CCSER1: variants seen among roughly 807,000 people sequenced by gnomAD.
The protein encoded by CCSER1 is coiled-coil serine rich protein 1.
Under a neutral mutation model 82.0 loss-of-function variants are expected in CCSER1, and 41 were observed. That is an observed-to-expected ratio of 0.50 (90% CI 0.39 to 0.65). The LOEUF (loss-of-function observed/expected upper bound fraction) is 0.65. CCSER1 is among the 30% of genes least tolerant of loss of function. The pLI, the probability that CCSER1 is intolerant of heterozygous loss-of-function variation, is 0.00. For synonymous variants in CCSER1, 414 were observed against 383.9 expected, an observed-to-expected ratio of 1.08 and a Z score of -0.92; for missense variants, 1,119 against 1,064.2, an observed-to-expected ratio of 1.05 and a Z score of -0.72.
chr4:91,368,579 G>A (rs1325385351), intron 10 of CCSER1, among the ~76,000 whole-genome samples: 1 of 151,918 alleles, frequency 6.6e-6, no homozygotes, highest in Non-Finnish European at 1.5e-5. Flanking sequence ...ATTTTATCAT[G>A]TTTTTCTATA....
At chr4:90,627,749 G>A (rs1475146150) in intron 5 of CCSER1, among the ~76,000 whole-genome samples, 1 of 151,998 alleles carries the variant, frequency 6.6e-6, no homozygotes, top group Non-Finnish European at 1.5e-5. Flanking sequence ...GAGAGGCCAA[G>A]GCAGGCGGAT....
intron 8 of CCSER1, among the ~76,000 whole-genome samples, chr4:90,857,384 G>A (rs542843091): frequency 3.3e-5 from 5 of 152,054 alleles, no homozygotes; most frequent in East Asian, 3.9e-4. Context: ...CATATGTAAC[G>A]GACAAAATGG....
chr4:91,141,445 C>T (rs777556054), intron 10 of CCSER1, among the ~76,000 whole-genome samples: 1 of 152,170 alleles, frequency 6.6e-6, no homozygotes, highest in Non-Finnish European at 1.5e-5. Context: ...AACCACCATG[C>T]CTGGCCCAAT....
intron 5 of CCSER1, among the ~76,000 whole-genome samples, chr4:90,594,665 A>T (rs1331474621): frequency 1.3e-5 from 2 of 152,154 alleles, no homozygotes; most frequent in Non-Finnish European, 2.9e-5. Flanking sequence ...AGTCTCCACT[A>T]AACGTTTCAT....
At chr4:90,157,139 G>A (rs1400156655) in intron 1 of CCSER1, among the ~76,000 whole-genome samples, 2 of 152,072 alleles carry the variant, frequency 1.3e-5, no homozygotes, top group Non-Finnish European at 2.9e-5. Flanking sequence ...ATGAAACTTA[G>A]TTTGGCTGGA....
chr4:90,940,060 T>C (rs1485547942), intron 9 of CCSER1, among the ~76,000 whole-genome samples: 18 of 152,296 alleles, frequency 1.2e-4, no homozygotes, highest in African/African-American at 3.8e-4. Context: ...CTGTATTATC[T>C]TGAAGAAGCA....
At chr4:90,267,624 A>G (rs1050179309) in intron 1 of CCSER1, among the ~76,000 whole-genome samples, 4 of 152,138 alleles carry the variant, frequency 2.6e-5, no homozygotes, top group Admixed American at 6.5e-5. Context: ...CCCCAGCTGC[A>G]GGCAGCTGAG....
chr4:91,411,491 C>CATATACATATATAT (rs1753021719), intron 10 of CCSER1, among the ~76,000 whole-genome samples: 1 of 53,812 alleles, frequency 1.9e-5, no homozygotes. Flanking sequence ...TGCATATATA[C>CATATACATATATAT]ATATATATAT....
chr4:90,437,628 T>G (rs1429276046), intron 4 of CCSER1, among the ~76,000 whole-genome samples: 2 of 152,198 alleles, frequency 1.3e-5, no homozygotes, highest in African/African-American at 2.4e-5. Context: ...CATAGTCATT[T>G]CATGTTGTTT....
chr4:91,348,119 G>A (rs1748196674), intron 10 of CCSER1, among the ~76,000 whole-genome samples: 1 of 152,008 alleles, frequency 6.6e-6, no homozygotes, highest in Non-Finnish European at 1.5e-5. Context: ...AGTGTTTATA[G>A]ATTTTTTATC....
chr4:90,424,090 C>G (rs79279726), intron 4 of CCSER1, among the ~76,000 whole-genome samples: 1 of 84,644 alleles, frequency 1.2e-5, no homozygotes, highest in Non-Finnish European at 2.5e-5. Flanking sequence ...GTCTCTGTCT[C>G]AAAAAAAAAA....
chr4:91,534,389 G>C (rs1156423486), intron 10 of CCSER1, among the ~76,000 whole-genome samples: 1 of 151,816 alleles, frequency 6.6e-6, no homozygotes, highest in African/African-American at 2.4e-5. Context: ...AATTTTTCAG[G>C]CAGACTCTGT....
intron 7 of CCSER1, among the ~76,000 whole-genome samples, chr4:90,790,891 T>G (rs1755133882): frequency 6.6e-6 from 1 of 152,182 alleles, no homozygotes; most frequent in South Asian, 2.1e-4. Context: ...CAAAGTCACT[T>G]CCACATTTTC....
At chr4:91,389,775 C>T (rs1405278609) in intron 10 of CCSER1, among the ~76,000 whole-genome samples, 1 of 151,878 alleles carries the variant, frequency 6.6e-6, no homozygotes, top group Non-Finnish European at 1.5e-5. Flanking sequence ...TAGTTTGCCT[C>T]ATGTAAATCT....
intron 1 of CCSER1, among the ~76,000 whole-genome samples, chr4:90,257,226 TA>T (rs1401614108): frequency 2.0e-4 from 31 of 152,134 alleles, no homozygotes; most frequent in African/African-American, 6.7e-4. Context: ...TATATATATA[TA>T]TAGGTATATG....
Position 90,453,026 on chromosome 4 carries a change from T to C in CCSER1, c.1604-15208T>C, listed in dbSNP as rs146442560. ...ATCAGAGTTGGGACATAAAGGATAA[T>C]GTATACATATTGTAAAACTTTAACC... On this transcript the variant is annotated intron_variant, in intron 4 of 10. Coordinates refer to ENST00000509176, the MANE Select transcript of CCSER1 (RefSeq NM_001145065.2). Among the ~76,000 whole-genome samples, 30 of 152,312 alleles carry C rather than the reference T, an allele frequency of 2.0e-4. No homozygotes were observed. The East Asian group carries it at 2.7e-3, about 14-fold the overall frequency.
intron 3 of CCSER1, among the ~76,000 whole-genome samples, chr4:90,343,895 A>G (rs1039725025): frequency 2.6e-5 from 4 of 152,134 alleles, no homozygotes; most frequent in African/African-American, 4.8e-5. Context: ...AAACCATCCA[A>G]TTATACTCTT....
intron 10 of CCSER1, among the ~76,000 whole-genome samples, chr4:91,534,718 A>G (rs2110177577): frequency 6.6e-6 from 1 of 152,058 alleles, no homozygotes; most frequent in East Asian, 1.9e-4. Context: ...TGTGATTGAC[A>G]TATCTCTTTA....
At chr4:90,222,305 A>G (rs1742301535) in intron 1 of CCSER1, among the ~76,000 whole-genome samples, 1 of 152,178 alleles carries the variant, frequency 6.6e-6, no homozygotes, top group Non-Finnish European at 1.5e-5. Context: ...ATCCATTCCT[A>G]TCTTTTGTGT....
Sources: gnomAD v4.1 joint callset for allele counts (sites outside exome capture counted in the v4.1 genomes callset) on GRCh38, gnomAD v4.1.1 for gene constraint, MANE v1.5 for transcripts, NCBI Gene and HGNC (gene_info 2026-07-23, HGNC 2026-07-21) for gene names.